Variants in NRG1 observed in about 807,000 individuals in gnomAD.
NRG1 encodes the protein neuregulin 1, also known as pro-neuregulin-1, membrane-bound isoform.
A neutral mutation model predicts 63.8 loss-of-function variants in NRG1; 18 were observed. That is an observed-to-expected ratio of 0.28 (90% CI 0.19 to 0.42). The LOEUF (loss-of-function observed/expected upper bound fraction) is 0.42, where lower values mean the gene tolerates loss of function less well. NRG1 is among the 10% of genes least tolerant of loss of function. The pLI, the probability that NRG1 is intolerant of heterozygous loss-of-function variation, is 1.00. For missense variants in NRG1, 762 were observed against 814.7 expected, an observed-to-expected ratio of 0.94 and a Z score of 0.79; for synonymous variants, 302 against 301.3, an observed-to-expected ratio of 1.00 and a Z score of -0.02.
intron 1 of NRG1, chr8:32,061,637 C>T (rs973946512): frequency 2.0e-5 from 3 of 151,950 alleles, no homozygotes; most frequent in Non-Finnish European, 2.9e-5. Context: ...GACAGGTTCC[C>T]AGTCCTATGC....
At chr8:31,791,907 G>A (rs925955215) in intron 1 of NRG1, among the ~76,000 whole-genome samples, 1 of 152,096 alleles carries the variant, frequency 6.6e-6, no homozygotes, top group African/African-American at 2.4e-5. Context: ...TCTGATTTGG[G>A]CTTCTGATGT....
rs987057117 is a variant in NRG1 at position 32,295,732 on chromosome 8, C to T, written c.38-300096C>T. Reference sequence around the variant, plus strand: ...TTGGGAGGCCCAGGCAGGTGGATCACGGGTCAGGAGTTAGAGACCAGCCTG... The same window carrying T: ...TTGGGAGGCCCAGGCAGGTGGATCATGGGTCAGGAGTTAGAGACCAGCCTG... On this transcript the variant is annotated intron_variant, in intron 1 of 10. Transcript: ENST00000519301. Among the ~76,000 whole-genome samples the T allele has an allele frequency of 3.9e-5, 6 of 152,028 alleles. No homozygotes were observed. In the South Asian group the frequency reaches 1.2e-3, roughly 32 times the overall value.
intron 1 of NRG1, among the ~76,000 whole-genome samples, chr8:32,394,894 C>G (rs1005127918): frequency 6.6e-6 from 1 of 152,128 alleles, no homozygotes; most frequent in African/African-American, 2.4e-5. Context: ...ATAGGTAAGT[C>G]CTCATGTGGC....
intron 1 of NRG1, among the ~76,000 whole-genome samples, chr8:32,455,315 C>T (rs1349774267): frequency 6.6e-6 from 1 of 152,136 alleles, no homozygotes. Context: ...CCAAATAGTG[C>T]ACATTCAATA....
intron 1 of NRG1, among the ~76,000 whole-genome samples, chr8:32,297,853 A>T (rs901443054): frequency 6.6e-6 from 1 of 152,228 alleles, no homozygotes; most frequent in Admixed American, 6.5e-5. Context: ...GTCTCCCTCT[A>T]GTAATAATCA....
intron 1 of NRG1, among the ~76,000 whole-genome samples, chr8:31,716,648 A>G (rs2131284311): frequency 6.6e-6 from 1 of 152,354 alleles, no homozygotes; most frequent in Admixed American, 6.5e-5. Flanking sequence ...TAAAGTAAAT[A>G]TGTCCCTCAG....
chr8:32,737,591 A>G (rs1257873676), intron 6 of NRG1, among the ~76,000 whole-genome samples: 1 of 151,678 alleles, frequency 6.6e-6, no homozygotes, highest in Non-Finnish European at 1.5e-5. Context: ...CACAGAGGAG[A>G]GTGTATCATA....
intron 5 of NRG1, among the ~76,000 whole-genome samples, chr8:32,701,508 A>C (rs1814881763): frequency 1.3e-5 from 2 of 152,276 alleles, no homozygotes. Context: ...TTTGAAGGTG[A>C]TTTTTAAATA....
intron 1 of NRG1, among the ~76,000 whole-genome samples, chr8:32,232,959 T>C (rs1014995934): frequency 6.6e-6 from 1 of 152,196 alleles, no homozygotes; most frequent in Non-Finnish European, 1.5e-5. Flanking sequence ...GCTAATTATA[T>C]AGCTAATTCA....
intron 1 of NRG1, among the ~76,000 whole-genome samples, chr8:31,962,616 G>A (rs1805642599): frequency 6.6e-6 from 1 of 152,096 alleles, no homozygotes; most frequent in African/African-American, 2.4e-5. Context: ...TACTTTTGCT[G>A]TCATTTAATG....
chr8:32,486,921 A>C (rs552263070), intron 1 of NRG1, among the ~76,000 whole-genome samples: 1 of 152,278 alleles, frequency 6.6e-6, no homozygotes, highest in Admixed American at 6.5e-5. Flanking sequence ...CACTGTGCCC[A>C]ACCCAGAATT....
chr8:31,761,213 A>G (rs1366248450), intron 1 of NRG1, among the ~76,000 whole-genome samples: 1 of 152,130 alleles, frequency 6.6e-6, no homozygotes, highest in Non-Finnish European at 1.5e-5. Context: ...CAAAAAACCA[A>G]ACACCTCTTG....
At chr8:32,144,720 G>A (rs1417154119) in intron 1 of NRG1, among the ~76,000 whole-genome samples, 4 of 152,066 alleles carry the variant, frequency 2.6e-5, no homozygotes. Context: ...ATGGATCCTT[G>A]GAGATGCTCG....
intron 5 of NRG1, among the ~76,000 whole-genome samples, chr8:32,698,562 G>A (rs1049179720): frequency 1.3e-5 from 2 of 152,180 alleles, no homozygotes; most frequent in Admixed American, 6.5e-5. Context: ...CATGAAAGAG[G>A]CGTGAGCATT....
chr8:32,712,952 G>A (rs62497779), intron 5 of NRG1, among the ~76,000 whole-genome samples: 14,300 of 152,122 alleles, frequency 0.094, 722 homozygotes, highest in African/African-American at 0.12. Flanking sequence ...ATCATCCATG[G>A]CTCCTCTGTC....
intron 1 of NRG1, among the ~76,000 whole-genome samples, chr8:31,915,256 C>T (rs1218530737): frequency 6.6e-6 from 1 of 152,032 alleles, no homozygotes; most frequent in Non-Finnish European, 1.5e-5. Context: ...AAATCATTGC[C>T]TACCTTGTAT....
At chr8:31,979,550 A>G (rs1400216034) in intron 1 of NRG1, among the ~76,000 whole-genome samples, 1 of 151,998 alleles carries the variant, frequency 6.6e-6, no homozygotes, top group East Asian at 1.9e-4. Flanking sequence ...TATTGCAATT[A>G]CTTTTGTTGT....
chr8:32,696,562 G>T (rs1294339833), intron 5 of NRG1, among the ~76,000 whole-genome samples: 1 of 151,680 alleles, frequency 6.6e-6, no homozygotes, highest in Non-Finnish European at 1.5e-5. Context: ...ACTTTTGCCT[G>T]CCCTTCTTAC....
At chr8:32,073,884 G>A (rs1177274671) in intron 1 of NRG1, among the ~76,000 whole-genome samples, 1 of 151,992 alleles carries the variant, frequency 6.6e-6, no homozygotes, top group Non-Finnish European at 1.5e-5. Context: ...GAATTGTCAG[G>A]TTCTTTTAAA....
Sources: gnomAD v4.1 joint callset for allele counts (sites outside exome capture counted in the v4.1 genomes callset) on GRCh38, gnomAD v4.1.1 for gene constraint, MANE v1.5 for transcripts, NCBI Gene and HGNC (gene_info 2026-07-23, HGNC 2026-07-21) for gene names.